The following RBFOX1 variants were observed in gnomAD, a reference collection of about 807,000 sequenced individuals.
RBFOX1 encodes RNA binding fox-1 homolog 1.
A neutral mutation model predicts 57.7 loss-of-function variants in RBFOX1; 8 were observed. The ratio of observed to expected loss-of-function variants is 0.14; its 90% CI spans 0.08 to 0.25. The LOEUF (loss-of-function observed/expected upper bound fraction) is 0.25. Among genes scored for constraint, RBFOX1 ranks in the 10% least tolerant of loss-of-function variants. The pLI, the probability that RBFOX1 is intolerant of heterozygous loss-of-function variation, is 1.00. For missense variants in RBFOX1, 611 were observed against 548.5 expected, an observed-to-expected ratio of 1.11 and a Z score of -1.14; for synonymous variants, 326 against 222.4, an observed-to-expected ratio of 1.47 and a Z score of -4.15.
intron 4 of RBFOX1, among the ~76,000 whole-genome samples, chr16:5,986,364 T>A (rs1472245190): frequency 6.6e-6 from 1 of 152,220 alleles, no homozygotes; most frequent in Non-Finnish European, 1.5e-5. Context: ...GCGTCCAGAC[T>A]GTTGAAATTT....
chr16:6,976,879 C>G (rs1208308373), intron 3 of RBFOX1, among the ~76,000 whole-genome samples: 2 of 107,798 alleles, frequency 1.9e-5, no homozygotes, highest in Non-Finnish European at 3.9e-5. Context: ...TATGTCATAT[C>G]CATATCACAT....
intron 2 of RBFOX1, among the ~76,000 whole-genome samples, chr16:6,630,144 C>T (rs1307554160): frequency 6.6e-6 from 1 of 152,104 alleles, no homozygotes; most frequent in African/African-American, 2.4e-5. Flanking sequence ...TCAGCTACTT[C>T]AGCATCACCT....
chr16:7,187,266 G>T (rs1312093717), intron 4 of RBFOX1, among the ~76,000 whole-genome samples: 2 of 151,812 alleles, frequency 1.3e-5, no homozygotes, highest in East Asian at 3.9e-4. Flanking sequence ...GCATAACACA[G>T]GATATAAATA....
chr16:6,786,659 G>A (rs1209529802), intron 3 of RBFOX1, among the ~76,000 whole-genome samples: 5 of 152,150 alleles, frequency 3.3e-5, no homozygotes, highest in Admixed American at 3.3e-4. Flanking sequence ...CGCATTTAGA[G>A]GTCAAGTAGG....
intron 4 of RBFOX1, among the ~76,000 whole-genome samples, chr16:5,932,878 A>G (rs899673309): frequency 3.9e-5 from 6 of 152,160 alleles, no homozygotes; most frequent in African/African-American, 1.4e-4. Flanking sequence ...TGGTTGTGGC[A>G]TTGCCAAGCC....
At chr16:7,265,305 G>T (rs1251534958) in intron 4 of RBFOX1, among the ~76,000 whole-genome samples, 1 of 150,292 alleles carries the variant, frequency 6.7e-6, no homozygotes, top group Non-Finnish European at 1.5e-5. Flanking sequence ...CTTATGGATG[G>T]TGGCCTTCTC....
At chr16:6,688,885 G>C (rs1293589938) in intron 3 of RBFOX1, among the ~76,000 whole-genome samples, 1 of 152,180 alleles carries the variant, frequency 6.6e-6, no homozygotes, top group African/African-American at 2.4e-5. Flanking sequence ...AGAACATGCA[G>C]TACTTGGTTT....
chr16:5,852,145 C>G (rs1485971767), intron 3 of RBFOX1, among the ~76,000 whole-genome samples: 1 of 152,068 alleles, frequency 6.6e-6, no homozygotes, highest in Admixed American at 6.5e-5. Context: ...TTTTCCCCCT[C>G]TTATTATTCA....
At chr16:5,407,139 A>G (rs1056495765) in intron 1 of RBFOX1, among the ~76,000 whole-genome samples, 2 of 152,278 alleles carry the variant, frequency 1.3e-5, no homozygotes, top group Admixed American at 6.5e-5. Flanking sequence ...CTCAGGCAAG[A>G]GAGAGACAGA....
chr16:7,696,429 C>G (rs1347264724), intron 14 of RBFOX1, among the ~76,000 whole-genome samples: 3 of 151,504 alleles, frequency 2.0e-5, no homozygotes, highest in Admixed American at 2.0e-4. Flanking sequence ...AGGTCTCCGT[C>G]TGTGATTCAT....
chr16:7,466,834 C>A (rs1032076348), intron 4 of RBFOX1, among the ~76,000 whole-genome samples: 3 of 152,090 alleles, frequency 2.0e-5, no homozygotes, highest in African/African-American at 4.8e-5. Flanking sequence ...ACCATACTTC[C>A]AAAGGAATAA....
chr16:6,364,016 T>C (rs550091223), intron 2 of RBFOX1, among the ~76,000 whole-genome samples: 1 of 152,338 alleles, frequency 6.6e-6, no homozygotes, highest in Non-Finnish European at 1.5e-5. Flanking sequence ...GGCTTCTCCG[T>C]GTTTTCAATG....
intron 4 of RBFOX1, among the ~76,000 whole-genome samples, chr16:5,905,855 C>T (rs1210714587): frequency 6.6e-6 from 1 of 152,216 alleles, no homozygotes; most frequent in South Asian, 2.1e-4. Flanking sequence ...CCCCAAATGC[C>T]TCCTCCGGAA....
At chr16:5,305,978 G>C (rs2063922821) in intron 1 of RBFOX1, among the ~76,000 whole-genome samples, 1 of 152,164 alleles carries the variant, frequency 6.6e-6, no homozygotes, top group Non-Finnish European at 1.5e-5. Context: ...GATTGCTTGA[G>C]TCCAGTAGTT....
At chr16:7,350,217 T>C (rs549472587) in intron 4 of RBFOX1, among the ~76,000 whole-genome samples, 4 of 152,222 alleles carry the variant, frequency 2.6e-5, no homozygotes, top group Non-Finnish European at 5.9e-5. Flanking sequence ...AAACAGGAAT[T>C]AGAGCTCAGA....
At chr16:5,441,665 G>A (rs1291788149) in intron 1 of RBFOX1, among the ~76,000 whole-genome samples, 1 of 152,072 alleles carries the variant, frequency 6.6e-6, no homozygotes, top group Non-Finnish European at 1.5e-5. Context: ...GTTCCTGGCA[G>A]GAAAGAGGTT....
chr16:6,931,193 C>G (rs946209481), intron 3 of RBFOX1, among the ~76,000 whole-genome samples: 1 of 150,754 alleles, frequency 6.6e-6, no homozygotes, highest in African/African-American at 2.4e-5. Context: ...GTAGATATGG[C>G]ATAATATTTT....
intron 1 of RBFOX1, among the ~76,000 whole-genome samples, chr16:5,299,109 A>G (rs2063745125): frequency 1.3e-5 from 2 of 150,912 alleles, no homozygotes; most frequent in South Asian, 4.2e-4. Flanking sequence ...AGGGGCAACC[A>G]CTGTTCTAAC....
chr16:5,402,600 T>G (rs2066745861), intron 1 of RBFOX1, among the ~76,000 whole-genome samples: 1 of 152,238 alleles, frequency 6.6e-6, no homozygotes, highest in African/African-American at 2.4e-5. Context: ...CCTTGGGAAT[T>G]CCAAGTATAC....
Sources: allele counts gnomAD v4.1 joint callset (sites outside exome capture counted in the v4.1 genomes callset), GRCh38; gene constraint gnomAD v4.1.1; transcripts MANE v1.5; gene names NCBI Gene and HGNC (gene_info 2026-07-23, HGNC 2026-07-21).